PARD3: variants seen among roughly 807,000 people sequenced by gnomAD.
PARD3 encodes the protein partitioning defective 3 homolog.
In PARD3, 75 loss-of-function variants were observed where a neutral mutation model predicts 155.4. The ratio of observed to expected loss-of-function variants is 0.48; its 90% CI spans 0.40 to 0.58. PARD3 has a LOEUF of 0.58. Ranked by LOEUF, PARD3 falls within the 20% of genes least tolerant of loss-of-function variation. The pLI is 0.00. For synonymous variants in PARD3, 576 were observed against 610.5 expected, an observed-to-expected ratio of 0.94 and a Z score of 0.83; for missense variants, 1,642 against 1,721.7, an observed-to-expected ratio of 0.95 and a Z score of 0.82.
intron 1 of PARD3, among the ~76,000 whole-genome samples, chr10:34,731,848 G>A (rs1256727571): frequency 1.3e-5 from 2 of 151,328 alleles, no homozygotes; most frequent in Non-Finnish European, 1.5e-5. Context: ...TACAAGAGAG[G>A]AGTGAAGAAA....
At chr10:34,448,546 C>A (rs546744764) in intron 5 of PARD3, among the ~76,000 whole-genome samples, 9 of 152,130 alleles carry the variant, frequency 5.9e-5, no homozygotes. Context: ...ATGCCTATAA[C>A]CATGACACTT....
intron 23 of PARD3, among the ~76,000 whole-genome samples, chr10:34,124,303 T>C (rs567280918): frequency 5.1e-4 from 78 of 152,294 alleles, no homozygotes; most frequent in African/African-American, 1.9e-3. Context: ...TGGCATTCCC[T>C]TGAGATTCAC....
chr10:34,713,300 G>GA (rs545832951), intron 1 of PARD3, among the ~76,000 whole-genome samples: 30 of 149,558 alleles, frequency 2.0e-4, no homozygotes, highest in South Asian at 1.7e-3. Context: ...TCTTAGAACA[G>GA]AAAAAAAAAT....
intron 3 of PARD3, among the ~76,000 whole-genome samples, chr10:34,499,917 G>A (rs532006875): frequency 1.1e-4 from 16 of 152,212 alleles, no homozygotes; most frequent in South Asian, 4.1e-4. Context: ...TCATCTCTAC[G>A]TTATTTATAA....
chr10:34,605,229 G>A (rs1471001168), intron 2 of PARD3, among the ~76,000 whole-genome samples: 1 of 108,702 alleles, frequency 9.2e-6, no homozygotes, highest in Non-Finnish European at 1.7e-5. Context: ...GTCTGGCTCT[G>A]TCACCCAGGC....
intron 14 of PARD3, among the ~76,000 whole-genome samples, chr10:34,355,924 C>CAAAAAAAAAAAAAAAAAAAAAAAAA (rs869284165): frequency 2.3e-5 from 1 of 42,724 alleles, no homozygotes; most frequent in Non-Finnish European, 4.3e-5. Flanking sequence ...CACTCCGTCT[C>CAAAAAAAAAAAAAAAAAAAAAAAAA]AAAAAAAAAA....
intron 3 of PARD3, among the ~76,000 whole-genome samples, chr10:34,512,079 C>T (rs1231427192): frequency 1.3e-5 from 2 of 152,168 alleles, no homozygotes; most frequent in African/African-American, 4.8e-5. Flanking sequence ...TGGGGGGACA[C>T]ATTAAGAGCC....
chr10:34,731,344 T>TA (rs1220388783), intron 1 of PARD3, among the ~76,000 whole-genome samples: 1 of 152,198 alleles, frequency 6.6e-6, no homozygotes, highest in Non-Finnish European at 1.5e-5. Context: ...CACTACCTCT[T>TA]AGTCTTTTCA....
At chr10:34,685,687 G>A (rs1458844116) in intron 2 of PARD3, among the ~76,000 whole-genome samples, 1 of 150,516 alleles carries the variant, frequency 6.6e-6, no homozygotes, top group Non-Finnish European at 1.5e-5. Flanking sequence ...TCCGCCTCCT[G>A]GCCCTACACG....
chr10:34,367,063 A>C (rs752575319), intron 12 of PARD3, among the ~76,000 whole-genome samples: 11 of 152,206 alleles, frequency 7.2e-5, no homozygotes, highest in Non-Finnish European at 1.3e-4. Flanking sequence ...CACAATTATT[A>C]ATCTCTAATG....
In PARD3 at chr10:34,532,184, T is replaced by C. The variant is rs530704445; in HGVS notation, c.223-15025A>G. 5.0e-4 allele frequency among the ~76,000 whole-genome samples: 76 copies of C among 152,354 alleles called. 1 individual carries two copies. Among genetic ancestry groups the C allele is most frequent in the African/African-American group, 1.5e-3 (62 of 41,574 alleles). On this transcript the variant is annotated intron_variant, in intron 2 of 24. Coordinates refer to ENST00000374788, the MANE Select transcript of PARD3 (RefSeq NM_001184785.2). ...TTGTAACAGATTTTTGTATATTTTATGGTTGTAAATGACAGGGTATCTATA... is the reference window on the plus strand; with the variant it reads ...TTGTAACAGATTTTTGTATATTTTACGGTTGTAAATGACAGGGTATCTATA...
intron 3 of PARD3, among the ~76,000 whole-genome samples, chr10:34,486,861 T>G (rs1292599069): frequency 6.6e-6 from 1 of 152,026 alleles, no homozygotes; most frequent in Non-Finnish European, 1.5e-5. Flanking sequence ...ATATATTATA[T>G]ATGTACACAT....
chr10:34,592,452 T>C lies in PARD3; in HGVS notation c.223-75293A>G, dbSNP rs1256325058. On this transcript the variant is annotated intron_variant, in intron 2 of 24. Transcript: ENST00000374788. The stretch of plus-strand genomic sequence containing the variant: ...ATTAGCATTCTATTGGAAGGCTCCA[T>C]AGAGCACCCCATACAGAACACTGCC... Among the ~76,000 whole-genome samples the C allele has an allele frequency of 4.6e-5, 7 of 152,146 alleles. No individual in the cohort carries two copies. The East Asian group carries it at 1.3e-3, about 29-fold the overall frequency.
At chr10:34,182,012 C>T (rs1019185381) in intron 22 of PARD3, among the ~76,000 whole-genome samples, 3 of 152,144 alleles carry the variant, frequency 2.0e-5, no homozygotes, top group African/African-American at 4.8e-5. Flanking sequence ...GAATTTACTT[C>T]GGCTAACACT....
chr10:34,384,369 T>TA (rs1397862389), intron 7 of PARD3, 115 bp from the exon 8 acceptor site: 2 of 962,524 alleles, frequency 2.1e-6, no homozygotes, highest in African/African-American at 3.2e-5. Flanking sequence ...AGGAGCATGT[T>TA]AAAATGACTA....
chr10:34,528,533 GT>G (rs1257578748), intron 2 of PARD3, among the ~76,000 whole-genome samples: 1 of 151,760 alleles, frequency 6.6e-6, no homozygotes, highest in Admixed American at 6.6e-5. Flanking sequence ...GATAGGTTTT[GT>G]TTTGTTTTGT....
chr10:34,466,423 T>C (rs955014466), intron 4 of PARD3, among the ~76,000 whole-genome samples: 1 of 152,146 alleles, frequency 6.6e-6, no homozygotes, highest in African/African-American at 2.4e-5. Flanking sequence ...CTCTAACATA[T>C]CAGAATACAA....
chr10:34,556,511 T>C (rs1435729776), intron 2 of PARD3, among the ~76,000 whole-genome samples: 1 of 151,156 alleles, frequency 6.6e-6, no homozygotes, highest in South Asian at 2.1e-4. Context: ...GCCTCCAGAG[T>C]AGCTGGGAAT....
At chr10:34,792,328 G>A (rs985551028) in intron 1 of PARD3, among the ~76,000 whole-genome samples, 4 of 152,036 alleles carry the variant, frequency 2.6e-5, no homozygotes, top group Non-Finnish European at 4.4e-5. Context: ...CAAGCGACGC[G>A]CCTGCCTCAG....
Sources: allele counts gnomAD v4.1 joint callset (sites outside exome capture counted in the v4.1 genomes callset), GRCh38; gene constraint gnomAD v4.1.1; transcripts MANE v1.5; gene names NCBI Gene and HGNC (gene_info 2026-07-23, HGNC 2026-07-21).